ANXA1: variants seen among roughly 807,000 people sequenced by gnomAD.
The protein encoded by ANXA1 is annexin A1.
In ANXA1, 39 loss-of-function variants were observed where a neutral mutation model predicts 47.9. The ratio of observed to expected loss-of-function variants is 0.81; its 90% CI spans 0.63 to 1.06. The LOEUF is 1.06. ANXA1 is among the 50% of genes least tolerant of loss of function. The probability of loss-of-function intolerance (pLI) is 0.00; values close to 1 mark genes in which losing one functional copy is unlikely to be tolerated. For synonymous variants in ANXA1, 146 were observed against 142.5 expected (o/e 1.02, Z -0.17); for missense variants, 446 against 422.7 (o/e 1.06, Z -0.48).
intron 8 of ANXA1, among the ~76,000 whole-genome samples, chr9:73,164,661 A>C: frequency 6.6e-6 from 1 of 152,140 alleles, no homozygotes; most frequent in African/African-American, 2.4e-5. Context: ...TATTTGTCTA[A>C]GATTATGCAG....
At chr9:73,168,383 C>G (rs1031483712) in intron 11 of ANXA1, 1 of 152,060 alleles carries the variant, frequency 6.6e-6, no homozygotes, top group Non-Finnish European at 1.5e-5. Context: ...GACATATACT[C>G]CAGACTTTGG....
intron 1 of ANXA1, chr9:73,154,138 T>C: frequency 2.8e-6 from 1 of 363,602 alleles, no homozygotes; most frequent in Non-Finnish European, 5.3e-6. Context: ...AGGCTACCTT[T>C]CATAAATTGC....
chr9:73,153,657 A>G (rs1348865196), intron 1 of ANXA1, among the ~76,000 whole-genome samples: 1 of 152,210 alleles, frequency 6.6e-6, no homozygotes, highest in Non-Finnish European at 1.5e-5. Context: ...TTTGTATTTT[A>G]TATCCTATAG....
chr9:73,157,964 T>G (rs929542115), intron 1 of ANXA1: 2 of 152,294 alleles, frequency 1.3e-5, no homozygotes, highest in Non-Finnish European at 2.9e-5. Flanking sequence ...CCAGCAAACT[T>G]TCTTCTGCTT....
At chr9:73,160,422 T>G (rs187516595) in intron 5 of ANXA1, 46 bp downstream of exon 5, 1 of 1,338,236 alleles carries the variant, frequency 7.5e-7, no homozygotes, top group Non-Finnish European at 1.0e-6. Flanking sequence ...AGAGGATGTA[T>G]TGGGCAAGTC....
intron 12 of ANXA1, 32 bp downstream of exon 12, chr9:73,169,186 C>A (rs759725506): frequency 1.9e-6 from 3 of 1,561,986 alleles, no homozygotes; most frequent in Admixed American, 2.0e-5. Context: ...GCCATCCCAA[C>A]AAATGAAAGT....
chr9:73,162,309 T>C (rs1370905631), intron 6 of ANXA1, among the ~76,000 whole-genome samples: 1 of 152,238 alleles, frequency 6.6e-6, no homozygotes, highest in Non-Finnish European at 1.5e-5. Context: ...TTTTATGTAG[T>C]TAAGCAGAAG....
In ANXA1 at chr9:73,158,263, A is replaced by C. The variant is rs1824080209; in HGVS notation, c.-14-259A>C. The C allele has an allele frequency of 1.3e-5, 5 of 384,306 alleles. No individual in the cohort carries two copies. The South Asian group carries it at 1.4e-4, about 10-fold the overall frequency. The allele number at this position is 384,306 out of a possible 1,614,324, so 23.8% of individuals were successfully genotyped here. A position where few individuals can be genotyped will look rare whatever the true frequency, so the allele number is the denominator to read the frequency against. On this transcript the variant is annotated intron_variant, in intron 1 of 12. Coordinates refer to ENST00000257497, the MANE Select transcript of ANXA1 (RefSeq NM_000700.3). ...TGTGCTTACTTGTAGTAGTTGTCTG[A>C]TCTCTAAAATTTAGAACTGAATATG... is the stretch of plus-strand genomic sequence containing the variant.
chr9:73,154,601 G>A (rs1824019970), intron 1 of ANXA1, among the ~76,000 whole-genome samples: 1 of 152,070 alleles, frequency 6.6e-6, no homozygotes, highest in South Asian at 2.1e-4. Context: ...ACCATGCCTG[G>A]CTGATTTTTG....
intron 1 of ANXA1, chr9:73,154,163 G>T: frequency 2.4e-6 from 1 of 419,352 alleles, no homozygotes; most frequent in Non-Finnish European, 4.2e-6. Context: ...TGTAAGTCAT[G>T]CCATTGTGTA....
intron 6 of ANXA1, among the ~76,000 whole-genome samples, chr9:73,162,558 T>C (rs923213401): frequency 2.0e-5 from 3 of 152,194 alleles, no homozygotes; most frequent in South Asian, 4.1e-4. Context: ...CACAGTATTA[T>C]CTAAATTGCT....
At chr9:73,155,759 G>A (rs2118134705) in intron 1 of ANXA1, among the ~76,000 whole-genome samples, 1 of 152,142 alleles carries the variant, frequency 6.6e-6, no homozygotes, top group East Asian at 1.9e-4. Context: ...TATGCTTTTA[G>A]TCTATCCAAA....
intron 8 of ANXA1, among the ~76,000 whole-genome samples, chr9:73,164,406 A>G (rs1411755468): frequency 6.6e-6 from 1 of 152,188 alleles, no homozygotes; most frequent in African/African-American, 2.4e-5. Context: ...AACAAGAGTT[A>G]GCATTTGAAT....
chr9:73,170,171 GC>G lies in ANXA1; in HGVS notation c.*65del. On this transcript the variant is annotated 3_prime_UTR_variant, in exon 13 of 13. Coordinates refer to ENST00000257497, the MANE Select transcript of ANXA1 (RefSeq NM_000700.3). ...TTAATTATATATTTTCATCCTATAA[GC>G]TTAAATAGGAAAGTTTCTTCAACAG... 7.2e-7 allele frequency: 1 copy of G among 1,385,914 alleles called. No individual in the cohort carries two copies. The highest frequency in any genetic ancestry group is 9.9e-7 in the Non-Finnish European group (1 of 1,009,540). 85.9% of individuals were successfully genotyped at this position (1,385,914 alleles called of 1,614,324 possible). A position where few individuals can be genotyped will look rare whatever the true frequency, so the allele number is the denominator to read the frequency against.
intron 1 of ANXA1, among the ~76,000 whole-genome samples, chr9:73,155,456 C>T (rs1005981671): frequency 3.3e-5 from 5 of 152,102 alleles, no homozygotes; most frequent in East Asian, 1.9e-4. Context: ...AGAGTCAGAA[C>T]GGCTTAAGGA....
Position 73,166,197 on chromosome 9 carries a change from G to A in ANXA1, c.802+5G>A, listed in dbSNP as rs1342588482. On this transcript the variant is annotated splice_donor_5th_base_variant and intron_variant, in intron 10 of 12. Transcript: ENST00000257497. ...AGAAATGCCTCACAGCTATCGGTAT[G>A]TAGTCCAGCAGTTGAAAGAGTTTTC... 3 of 1,602,044 alleles carry A rather than the reference G, an allele frequency of 1.9e-6. No individual in the cohort carries two copies. The Admixed American group carries it at 5.1e-5, about 27-fold the overall frequency.
At chr9:73,163,243 C>T (rs536105181) in intron 7 of ANXA1, among the ~76,000 whole-genome samples, 2 of 152,212 alleles carry the variant, frequency 1.3e-5, no homozygotes, top group Admixed American at 1.3e-4. Flanking sequence ...GACCCAAATA[C>T]CTCCCTCTAG....
chr9:73,160,941 T>G, intron 6 of ANXA1, 48 bp downstream of exon 6: 1 of 1,251,914 alleles, frequency 8.0e-7, no homozygotes, highest in Non-Finnish European at 1.2e-6. Context: ...GAAAAGGAAA[T>G]CTAATATACT....
rs766402776 is a variant in ANXA1 at position 73,153,936 on chromosome 9, GA to G, written c.-15+2013del. Among the ~76,000 whole-genome samples, 76 of 152,262 alleles carry G rather than the reference GA, an allele frequency of 5.0e-4. 1 individual carries two copies. The Middle Eastern group carries it at 0.017, about 34-fold the overall frequency. ...GGGGTGAAGTCAGGATGCTTTGGGA[GA>G]GCATGGAAGGTCACCGAATCCAGTG... is the stretch of plus-strand genomic sequence containing the variant. On this transcript the variant is annotated intron_variant, in intron 1 of 12. Transcript: ENST00000257497.
Sources: gnomAD v4.1 joint callset for allele counts (sites outside exome capture counted in the v4.1 genomes callset) on GRCh38, gnomAD v4.1.1 for gene constraint, MANE v1.5 for transcripts, NCBI Gene and HGNC (gene_info 2026-07-23, HGNC 2026-07-21) for gene names.